MAPKAP1: variants seen among roughly 807,000 people sequenced by gnomAD.
The protein encoded by MAPKAP1 is MAPK associated protein 1.
MAPKAP1 carries 20 observed loss-of-function variants against 65.7 expected under a neutral mutation model. That is an observed-to-expected ratio of 0.30 (90% CI 0.21 to 0.44). The LOEUF (loss-of-function observed/expected upper bound fraction) is 0.44, where lower values mean the gene tolerates loss of function less well. Ranked by LOEUF, MAPKAP1 falls within the 20% of genes least tolerant of loss-of-function variation. The pLI is 1.00. For missense variants in MAPKAP1, 423 were observed against 648.0 expected (o/e 0.65, Z 3.77); for synonymous variants, 222 against 244.3 (o/e 0.91, Z 0.85).
rs1434935366 is a variant in MAPKAP1 at position 125,439,672 on chromosome 9, G to T, written c.1444-660C>A. On this transcript the variant is annotated intron_variant, in intron 11 of 11. Coordinates refer to ENST00000265960, the MANE Select transcript of MAPKAP1 (RefSeq NM_001006617.3). This position sits in a 1 kb window ranked among gnomAD's most constrained non-coding sequence, Gnocchi z 4.0. ...GGGCTGCCTCCTGGGCTCCTCTCAG[G>T]CCTTCTGCACGCTGCTGCTTCCACG... is the stretch of plus-strand genomic sequence containing the variant. Among the ~76,000 whole-genome samples, 1 of 152,260 alleles carries T rather than the reference G, an allele frequency of 6.6e-6. No homozygotes were observed. The highest frequency in any genetic ancestry group is 1.5e-5 in the Non-Finnish European group (1 of 68,040).
intron 6 of MAPKAP1, among the ~76,000 whole-genome samples, chr9:125,551,503 C>T (rs112657921): frequency 6.6e-6 from 1 of 152,142 alleles, no homozygotes; most frequent in Admixed American, 6.6e-5. Flanking sequence ...CAGCTGTTAC[C>T]CAAAGAGCTC....
chr9:125,581,544 T>C (rs1284486468), intron 5 of MAPKAP1, among the ~76,000 whole-genome samples: 1 of 152,246 alleles, frequency 6.6e-6, no homozygotes, highest in Non-Finnish European at 1.5e-5. Flanking sequence ...GTCTAAACTT[T>C]CTACTGTTGG....
chr9:125,531,274 C>T (rs866750165), intron 7 of MAPKAP1, among the ~76,000 whole-genome samples: 1 of 152,232 alleles, frequency 6.6e-6, no homozygotes, highest in African/African-American at 2.4e-5. Context: ...GGCTTTGAGT[C>T]CTTACTCCCC....
intron 4 of MAPKAP1, among the ~76,000 whole-genome samples, chr9:125,632,403 GA>G (rs1833313696): frequency 6.6e-6 from 1 of 152,152 alleles, no homozygotes; most frequent in Non-Finnish European, 1.5e-5. Flanking sequence ...AGGCACTCAA[GA>G]AATATTTGAG....
intron 10 of MAPKAP1, among the ~76,000 whole-genome samples, chr9:125,454,473 T>C (rs956704098): frequency 6.6e-6 from 1 of 152,224 alleles, no homozygotes; most frequent in African/African-American, 2.4e-5. Context: ...AAAGCCCTTT[T>C]CCATTTTAAG....
rs144402607 is a variant in MAPKAP1, at chr9:125,546,792, G to C, written c.849-3624C>G. Among the ~76,000 whole-genome samples, 7 of 152,262 alleles carry C rather than the reference G, an allele frequency of 4.6e-5. No homozygotes were observed. In the East Asian group the frequency reaches 1.4e-3, roughly 29 times the overall value. On this transcript the variant is annotated intron_variant, in intron 6 of 11. Transcript: ENST00000265960. Reference sequence around the variant, plus strand: ...GGCACACGCTCCAGTCTCTGGGTTAGGAGCTGTGGCGGGGTGATCAGCCCT... The same window carrying C: ...GGCACACGCTCCAGTCTCTGGGTTACGAGCTGTGGCGGGGTGATCAGCCCT...
intron 3 of MAPKAP1, among the ~76,000 whole-genome samples, chr9:125,664,342 C>T (rs1038388673): frequency 2.7e-5 from 4 of 147,318 alleles, no homozygotes; most frequent in South Asian, 2.2e-4. Flanking sequence ...AGTAAAACTC[C>T]GTCTCAAAAA....
chr9:125,568,590 T>C (rs2131531061), intron 5 of MAPKAP1, among the ~76,000 whole-genome samples: 1 of 152,300 alleles, frequency 6.6e-6, no homozygotes, highest in East Asian at 1.9e-4. Flanking sequence ...CACCACATGT[T>C]GAAACTCTAA....
chr9:125,606,580 G>A (rs2131620770), intron 4 of MAPKAP1, among the ~76,000 whole-genome samples: 1 of 152,284 alleles, frequency 6.6e-6, no homozygotes, highest in South Asian at 2.1e-4. Context: ...GAATAGAGCA[G>A]ATGCTCAAAT....
intron 8 of MAPKAP1, among the ~76,000 whole-genome samples, chr9:125,497,996 T>C (rs1043282606): frequency 6.6e-6 from 1 of 152,232 alleles, no homozygotes. Context: ...AGGATGTATA[T>C]AGAAGCTTGG....
chr9:125,693,508 C>CATACACACACATATATACACAT (rs1401501053), intron 1 of MAPKAP1, among the ~76,000 whole-genome samples: 1 of 141,340 alleles, frequency 7.1e-6, no homozygotes, highest in African/African-American at 2.7e-5. Flanking sequence ...CATATATACA[C>CATACACACACATATATACACAT]ATACACACAC....
Position 125,506,395 on chromosome 9 carries a change from C to A in MAPKAP1, c.981G>T (p.Lys327Asn). ...CAACGGCGACATTGGGCTCGCTCTG[C>A]TTCTCCAGGCGGTACTGAGGGCCTG... ...KVSGPQYRLE[K>N]QSEPNVAVDL... Residue 327 changes from lysine to asparagine, a missense_variant, in exon 8 of 12, where the codon AAG becomes AAT. Physicochemically the swap from Lys to Asn is moderately conservative, Grantham distance 94. Around this residue, in one of 6 missense-constraint regions of MAPKAP1, gnomAD observed 185 missense variants for 268.1 expected, o/e 0.69. Coordinates refer to ENST00000265960, the MANE Select transcript of MAPKAP1 (RefSeq NM_001006617.3). The A allele has an allele frequency of 1.9e-6, 3 of 1,614,132 alleles. No homozygotes were observed. Among genetic ancestry groups the A allele is most frequent in the Non-Finnish European group, 2.5e-6 (3 of 1,180,034 alleles).
chr9:125,453,080 C>T (rs1369990820), intron 10 of MAPKAP1, among the ~76,000 whole-genome samples: 2 of 152,104 alleles, frequency 1.3e-5, no homozygotes, highest in Non-Finnish European at 2.9e-5. Context: ...TTTTCTGAGA[C>T]AGAGTCTCAC....
At chr9:125,664,651 G>T (rs1377772513) in intron 3 of MAPKAP1, among the ~76,000 whole-genome samples, 1 of 143,446 alleles carries the variant, frequency 7.0e-6, no homozygotes, top group Non-Finnish European at 1.5e-5. Flanking sequence ...TTTGAATCTG[G>T]GAGGCGGAGG....
chr9:125,521,770 G>A (rs1829624956), intron 7 of MAPKAP1: 1 of 1,611,654 alleles, frequency 6.2e-7, no homozygotes, highest in Non-Finnish European at 8.5e-7. Flanking sequence ...AAGCACCTAA[G>A]GACAAAAAAC....
At chr9:125,616,664 A>G (rs1043164108) in intron 4 of MAPKAP1, among the ~76,000 whole-genome samples, 1 of 152,124 alleles carries the variant, frequency 6.6e-6, no homozygotes, top group Non-Finnish European at 1.5e-5. Flanking sequence ...TTTCACACCC[A>G]TAAGACTAGA....
chr9:125,614,293 C>T (rs984206526), intron 4 of MAPKAP1, among the ~76,000 whole-genome samples: 1 of 151,700 alleles, frequency 6.6e-6, no homozygotes, highest in Non-Finnish European at 1.5e-5. Context: ...GTATCAAATA[C>T]TAGGTTGGTT....
rs1436921611 is a variant in MAPKAP1, at chr9:125,443,692, G to GCCAGCCCCC, written c.1443+808_1443+809insGGGGGCTGG. Among the ~76,000 whole-genome samples the GCCAGCCCCC allele has an allele frequency of 1.2e-3, 86 of 68,948 alleles. 1 individual carries two copies. Among genetic ancestry groups the GCCAGCCCCC allele is most frequent in the Admixed American group, 6.2e-3 (44 of 7,082 alleles). 45.2% of individuals were successfully genotyped at this position (68,948 alleles called of 152,430 possible). ...TGCACGGCCTAGCCCCGCCAGCCCC[G>GCCAGCCCCC]CCAGCTCCCCCAGCCCCCCCAGCCC... On this transcript the variant is annotated intron_variant, in intron 11 of 11. Transcript: ENST00000265960.
chr9:125,633,813 G>A (rs1421384024), intron 4 of MAPKAP1, among the ~76,000 whole-genome samples: 1 of 152,092 alleles, frequency 6.6e-6, no homozygotes, highest in Non-Finnish European at 1.5e-5. Flanking sequence ...TCACTTCCTA[G>A]GATGTGCACT....
Sources: allele counts gnomAD v4.1 joint callset (sites outside exome capture counted in the v4.1 genomes callset), GRCh38; gene constraint gnomAD v4.1.1; regional missense constraint gnomAD v4.1.1; non-coding constraint Gnocchi (gnomAD v3.1); transcripts MANE v1.5; gene names NCBI Gene and HGNC (gene_info 2026-07-23, HGNC 2026-07-21).